Variants in IGF1R observed in about 807,000 individuals in gnomAD.
IGF1R encodes the protein insulin-like growth factor 1 receptor.
Under a neutral mutation model 144.6 loss-of-function variants are expected in IGF1R, and 44 were observed. That is an observed-to-expected ratio of 0.30 (90% CI 0.24 to 0.39). The LOEUF (loss-of-function observed/expected upper bound fraction) is 0.39, where lower values mean the gene tolerates loss of function less well. Ranked by LOEUF, IGF1R falls within the 10% of genes least tolerant of loss-of-function variation. The pLI is 1.00. For synonymous variants in IGF1R, 795 were observed against 722.8 expected, an observed-to-expected ratio of 1.10 and a Z score of -1.60; for missense variants, 1,355 against 1,833.7, an observed-to-expected ratio of 0.74 and a Z score of 4.77.
intron 2 of IGF1R, among the ~76,000 whole-genome samples, chr15:98,835,630 T>C (rs1223811558): frequency 2.6e-5 from 4 of 152,216 alleles, no homozygotes; most frequent in Non-Finnish European, 4.4e-5. Context: ...CTGCAGTTGT[T>C]GGAACCAAGT....
rs1250410924 is a variant in IGF1R, at chr15:98,931,584, A to AAT, written c.2956+1289_2956+1290dup. On this transcript the variant is annotated intron_variant, in intron 15 of 20. Coordinates refer to ENST00000650285, the MANE Select transcript of IGF1R (RefSeq NM_000875.5). ...CTCACAAAGTTGGTTTTTTAATAGT[A>AAT]ATATATATATACATACTTCTGTAGT... Among the ~76,000 whole-genome samples, 30 of 152,100 alleles carry AAT rather than the reference A, an allele frequency of 2.0e-4. No homozygotes were observed. In the East Asian group the frequency reaches 3.5e-3, roughly 18 times the overall value.
intron 2 of IGF1R, among the ~76,000 whole-genome samples, chr15:98,845,751 A>G (rs2011305077): frequency 6.6e-6 from 1 of 151,926 alleles, no homozygotes; most frequent in South Asian, 2.1e-4. Flanking sequence ...GGGAAATTAC[A>G]GTGATTAGTG....
At chr15:98,720,158 A>G (rs2054213968) in intron 2 of IGF1R, among the ~76,000 whole-genome samples, 1 of 152,192 alleles carries the variant, frequency 6.6e-6, no homozygotes, top group African/African-American at 2.4e-5. Context: ...ATCTAAATAA[A>G]TGCAAACTCA....
chr15:98,862,322 A>G (rs1204703636), intron 2 of IGF1R, among the ~76,000 whole-genome samples: 1 of 152,160 alleles, frequency 6.6e-6, no homozygotes, highest in African/African-American at 2.4e-5. Context: ...GTCGCACATA[A>G]TTTTCTGTCG....
rs71149408 is a variant in IGF1R at position 98,674,977 on chromosome 15, A to ATTTTTTTTTTTTTTTTTTT, written c.94+25308_94+25326dup. Among the ~76,000 whole-genome samples the ATTTTTTTTTTTTTTTTTTT allele has an allele frequency of 8.1e-5, 8 of 98,906 alleles. 1 individual carries two copies. Among genetic ancestry groups the ATTTTTTTTTTTTTTTTTTT allele is most frequent in the African/African-American group, 3.3e-4 (8 of 23,982 alleles). The allele number at this position is 98,906 out of a possible 152,430, so 64.9% of individuals were successfully genotyped here. A position where few individuals can be genotyped will look rare whatever the true frequency, so the allele number is the denominator to read the frequency against. On this transcript the variant is annotated intron_variant, in intron 1 of 20. Coordinates refer to ENST00000650285, the MANE Select transcript of IGF1R (RefSeq NM_000875.5). ...AAATGCTAAATTTAGGTATTTTACA[A>ATTTTTTTTTTTTTTTTTTT]TTTTTTTTTTTTTTTTTTTTTTTTG...
At position 98,922,211 on chromosome 15, in the gene IGF1R, G is replaced by T. The variant is rs767593583; in HGVS notation, c.2265G>T (p.Arg755Ser). The T allele has an allele frequency of 7.4e-6, 12 of 1,614,186 alleles. No individual in the cohort carries two copies. The highest frequency in any genetic ancestry group is 3.3e-5 in the Admixed American group (2 of 60,026). ...VANTTMSSRS[R>S]NTTAADTYNI... is the part of the protein sequence containing the mutation. ...ACACCACCATGTCCAGCCGAAGCAG[G>T]AACACCACGGCCGCAGACACCTACA... Residue 755 changes from arginine (R) to serine (S), a missense_variant, in exon 11 of 21, where the codon AGG (arginine) becomes AGT (serine). By Grantham distance (110) the Arg-to-Ser change is moderately radical. Around this residue, in one of 7 missense-constraint regions of IGF1R, gnomAD observed 880 missense variants for 1,202.7 expected, o/e 0.73. Coordinates refer to ENST00000650285, the MANE Select transcript of IGF1R (RefSeq NM_000875.5).
chr15:98,843,577 T>C (rs1026267323), intron 2 of IGF1R, among the ~76,000 whole-genome samples: 2 of 152,132 alleles, frequency 1.3e-5, no homozygotes, highest in African/African-American at 4.8e-5. Flanking sequence ...TTTTAAAATA[T>C]TTTAAAATCT....
intron 2 of IGF1R, among the ~76,000 whole-genome samples, chr15:98,744,443 G>A (rs2054817048): frequency 6.6e-6 from 1 of 152,148 alleles, no homozygotes; most frequent in African/African-American, 2.4e-5. Flanking sequence ...GCTCTGGAGA[G>A]GGAGGAATAC....
intron 2 of IGF1R, among the ~76,000 whole-genome samples, chr15:98,715,275 T>C (rs2054087169): frequency 6.6e-6 from 1 of 152,212 alleles, no homozygotes. Flanking sequence ...GGCGTGTGCC[T>C]TGTGCCTCAA....
chr15:98,865,591 G>T (rs553958467), intron 2 of IGF1R, among the ~76,000 whole-genome samples: 1 of 152,352 alleles, frequency 6.6e-6, no homozygotes, highest in South Asian at 2.1e-4. Flanking sequence ...TGGCTTTGTG[G>T]TTTGGGAAGA....
chr15:98,869,387 C>T (rs891185522), intron 2 of IGF1R, among the ~76,000 whole-genome samples: 1 of 150,060 alleles, frequency 6.7e-6, no homozygotes, highest in African/African-American at 2.4e-5. Context: ...GACCACACCA[C>T]ATGAGAAGGA....
At chr15:98,874,714 C>G (rs2012965267) in intron 2 of IGF1R, among the ~76,000 whole-genome samples, 1 of 152,156 alleles carries the variant, frequency 6.6e-6, no homozygotes, top group African/African-American at 2.4e-5. Flanking sequence ...ATTCGAAGAC[C>G]CCTTCCATTG....
chr15:98,684,976 T>C (rs1378858128), intron 1 of IGF1R, among the ~76,000 whole-genome samples: 1 of 146,588 alleles, frequency 6.8e-6, no homozygotes, highest in Non-Finnish European at 1.5e-5. Flanking sequence ...AGTGTCTCGC[T>C]CTGTAACCCC....
At chr15:98,734,050 G>A (rs1397460815) in intron 2 of IGF1R, among the ~76,000 whole-genome samples, 1 of 152,164 alleles carries the variant, frequency 6.6e-6, no homozygotes, top group Admixed American at 6.5e-5. Flanking sequence ...GATGCTGACC[G>A]TATCTGCTGC....
intron 2 of IGF1R, among the ~76,000 whole-genome samples, chr15:98,884,194 G>T (rs922183763): frequency 1.6e-4 from 25 of 152,040 alleles, no homozygotes; most frequent in Admixed American, 1.6e-3. Flanking sequence ...ATCTCTCCTG[G>T]GTCCCCCGGG....
intron 19 of IGF1R, among the ~76,000 whole-genome samples, chr15:98,945,440 T>G (rs1340318854): frequency 6.6e-6 from 1 of 152,166 alleles, no homozygotes; most frequent in African/African-American, 2.4e-5. Flanking sequence ...GTCTTCCCCC[T>G]GGGGAAACAA....
At chr15:98,951,898 C>G (rs2016790012) in intron 20 of IGF1R, among the ~76,000 whole-genome samples, 1 of 152,228 alleles carries the variant, frequency 6.6e-6, no homozygotes, top group African/African-American at 2.4e-5. Flanking sequence ...CTGTGGGCGT[C>G]ACATAAGCTA....
At chr15:98,723,635 GAGT>G (rs769223338) in intron 2 of IGF1R, among the ~76,000 whole-genome samples, 9 of 152,208 alleles carry the variant, frequency 5.9e-5, no homozygotes, top group Non-Finnish European at 1.2e-4. Context: ...TAAAGATAAA[GAGT>G]AGGGCCGTTG....
chr15:98,668,181 G>A (rs768193244), intron 1 of IGF1R, among the ~76,000 whole-genome samples: 4 of 152,090 alleles, frequency 2.6e-5, no homozygotes, highest in Non-Finnish European at 5.9e-5. Flanking sequence ...TTATGTAAGG[G>A]CATTGTTGCC....
Sources: allele counts gnomAD v4.1 joint callset (sites outside exome capture counted in the v4.1 genomes callset), GRCh38; gene constraint gnomAD v4.1.1; regional missense constraint gnomAD v4.1.1; transcripts MANE v1.5; gene names NCBI Gene and HGNC (gene_info 2026-07-23, HGNC 2026-07-21).